The following KIF1B variants were observed in gnomAD, a reference collection of about 807,000 sequenced individuals.
KIF1B encodes the protein kinesin family member 1B.
In KIF1B, 76 loss-of-function variants were observed where a neutral mutation model predicts 241.9. The ratio of observed to expected loss-of-function variants is 0.31; its 90% CI spans 0.26 to 0.38. The LOEUF (loss-of-function observed/expected upper bound fraction) is 0.38, where lower values mean the gene tolerates loss of function less well. Ranked by LOEUF, KIF1B falls within the 10% of genes least tolerant of loss-of-function variation. KIF1B has a pLI of 1.00. For missense variants in KIF1B, 1,622 were observed against 2,271.4 expected, an observed-to-expected ratio of 0.71 and a Z score of 5.81; for synonymous variants, 750 against 796.7, an observed-to-expected ratio of 0.94 and a Z score of 0.99.
Position 10,305,839 on chromosome 1 carries a change from T to C in KIF1B, c.2115+8593T>C, listed in dbSNP as rs992475115. ...TATTTTCTACATCGTTCCTCATCTC[T>C]TGAGTTTGTCAAAAAGTTTTCTAAG... On this transcript the variant is annotated intron_variant, in intron 22 of 48. Coordinates refer to ENST00000676179, the MANE Select transcript of KIF1B (RefSeq NM_001365951.3). The C allele has an allele frequency of 3.8e-6, 4 of 1,052,530 alleles. No individual in the cohort carries two copies. The African/African-American group carries it at 6.6e-5, about 17-fold the overall frequency. The allele number at this position is 1,052,530 out of a possible 1,614,324, so 65.2% of individuals were successfully genotyped here. A position where few individuals can be genotyped will look rare whatever the true frequency, so the allele number is the denominator to read the frequency against.
At chr1:10,300,650 T>C (rs966419851) in intron 22 of KIF1B, among the ~76,000 whole-genome samples, 5 of 152,172 alleles carry the variant, frequency 3.3e-5, no homozygotes, top group Non-Finnish European at 5.9e-5. Context: ...AAAAAAGTGA[T>C]AGTTGTTGGT....
chr1:10,289,747 AGT>A (rs1398496571), intron 15 of KIF1B, among the ~76,000 whole-genome samples: 1 of 152,098 alleles, frequency 6.6e-6, no homozygotes, highest in African/African-American at 2.4e-5. Context: ...TGCCGGACAT[AGT>A]GGTGTGCACC....
At chr1:10,308,561 A>G in intron 22 of KIF1B, 3 of 1,019,712 alleles carry the variant, frequency 2.9e-6, no homozygotes, top group East Asian at 6.6e-5. Flanking sequence ...TTAAAAAATA[A>G]AGACCTCATT....
intron 2 of KIF1B, among the ~76,000 whole-genome samples, chr1:10,241,765 A>G (rs1571123277): frequency 6.6e-6 from 1 of 151,994 alleles, no homozygotes; most frequent in Non-Finnish European, 1.5e-5. Context: ...TTTTTTTTTT[A>G]ATGCCTTCTT....
Position 10,374,599 on chromosome 1 carries a change from T to A in KIF1B, c.5096+134T>A. 1 of 1,167,734 alleles carries A rather than the reference T, an allele frequency of 8.6e-7. No individual in the cohort carries two copies. Among genetic ancestry groups the A allele is most frequent in the South Asian group, 1.3e-5 (1 of 79,250 alleles). 72.3% of individuals were successfully genotyped at this position (1,167,734 alleles called of 1,614,324 possible). A position where few individuals can be genotyped will look rare whatever the true frequency, so the allele number is the denominator to read the frequency against. ...GTACTGTAGTCTGATGCAAGTTGAG[T>A]CTGGGGTGAGAGGGCCAGCCTGGGT... On this transcript the variant is annotated intron_variant, in intron 46 of 48. Transcript: ENST00000676179. The surrounding 1 kb of genome is among the most constrained non-coding windows in gnomAD (Gnocchi z 4.3).
rs1486672282 is a variant in KIF1B, at chr1:10,371,123, T to C, written c.4825-18T>C. 4 of 1,614,072 alleles carry C rather than the reference T, an allele frequency of 2.5e-6. No homozygotes were observed. Among genetic ancestry groups the C allele is most frequent in the African/African-American group, 2.7e-5 (2 of 74,918 alleles). On this transcript the variant is annotated intron_variant, in intron 44 of 48. Transcript: ENST00000676179. ...TTTTTCAGCTGAATGTAACTTGTAG[T>C]GTTCGGTTTGCTTCCAGTTGTCTGA...
At chr1:10,368,595 C>A in intron 44 of KIF1B, 57 bp downstream of exon 44, 2 of 1,430,226 alleles carry the variant, frequency 1.4e-6, no homozygotes, top group Non-Finnish European at 2.0e-6. Flanking sequence ...TTCTCCACAG[C>A]AGCCCAGATT....
At chr1:10,245,457 G>A (rs940627781) in intron 2 of KIF1B, among the ~76,000 whole-genome samples, 1 of 152,102 alleles carries the variant, frequency 6.6e-6, no homozygotes, top group Non-Finnish European at 1.5e-5. Flanking sequence ...GGAAATTATA[G>A]TGTCCTGCCC....
chr1:10,210,833 G>T lies in KIF1B; in HGVS notation c.-125G>T, dbSNP rs1646682841. 6.7e-6 allele frequency: 1 copy of T among 149,770 alleles called. No homozygotes were observed. Among genetic ancestry groups the T allele is most frequent in the Non-Finnish European group, 1.5e-5 (1 of 67,064 alleles). 9.3% of individuals were successfully genotyped at this position (149,770 alleles called of 1,614,324 possible). Reference sequence around the variant, plus strand: ...GGCCCCCCGCGCCCCCGCGCGCCGCGGCTCCTGTTGACCCGGTCCGCCCGT... The same window carrying T: ...GGCCCCCCGCGCCCCCGCGCGCCGCTGCTCCTGTTGACCCGGTCCGCCCGT... On this transcript the variant is annotated 5_prime_UTR_variant, in exon 1 of 49. Coordinates refer to ENST00000676179, the MANE Select transcript of KIF1B (RefSeq NM_001365951.3). The surrounding 1 kb of genome is among the most constrained non-coding windows in gnomAD (Gnocchi z 4.1).
intron 7 of KIF1B, 98 bp downstream of exon 7, chr1:10,268,361 G>C: frequency 1.3e-6 from 1 of 797,014 alleles, no homozygotes. Flanking sequence ...GTTGGGTGTT[G>C]GGGGGTGCTC....
rs12035952 is a variant in KIF1B, at chr1:10,244,345, G to A, written c.107-11902G>A. On this transcript the variant is annotated intron_variant, in intron 2 of 48. Transcript: ENST00000676179. ...TTTTTTTTTTTTGAGATGGAGTTTC[G>A]CTCTTGTTGCCCAGGCTGGAGTGCA... Among the ~76,000 whole-genome samples, 5 of 125,746 alleles carry A rather than the reference G, an allele frequency of 4.0e-5. No individual in the cohort carries two copies. In the East Asian group the frequency reaches 6.5e-4, roughly 16 times the overall value. 82.5% of individuals were successfully genotyped at this position (125,746 alleles called of 152,430 possible). A position where few individuals can be genotyped will look rare whatever the true frequency, so the allele number is the denominator to read the frequency against.
intron 27 of KIF1B, among the ~76,000 whole-genome samples, chr1:10,331,159 C>CA (rs1433877940): frequency 6.6e-6 from 1 of 151,748 alleles, no homozygotes; most frequent in Non-Finnish European, 1.5e-5. Context: ...GGACTCCAGG[C>CA]AGGGGACATG....
At chr1:10,295,396 T>C (rs920120910) in intron 18 of KIF1B, among the ~76,000 whole-genome samples, 6 of 152,166 alleles carry the variant, frequency 3.9e-5, no homozygotes, top group African/African-American at 1.4e-4. Context: ...TTAACAAATA[T>C]ACATTCCTTA....
intron 14 of KIF1B, among the ~76,000 whole-genome samples, chr1:10,279,577 C>A (rs1241172066): frequency 6.6e-6 from 1 of 151,394 alleles, no homozygotes; most frequent in Non-Finnish European, 1.5e-5. Context: ...GTCAGCAAAA[C>A]TATCTATGAT....
chr1:10,381,034 C>T lies in KIF1B; in HGVS notation c.*4447C>T, dbSNP rs1246464313. On this transcript the variant is annotated 3_prime_UTR_variant, in exon 49 of 49. Coordinates refer to ENST00000676179, the MANE Select transcript of KIF1B (RefSeq NM_001365951.3). ...TAAAATTCAGTAAAAAGCTCATAGC[C>T]AAACGGCTGTGCTCAGATGGAAAGT... The T allele has an allele frequency of 4.5e-6, 1 of 222,968 alleles. No homozygotes were observed. Among genetic ancestry groups the T allele is most frequent in the Non-Finnish European group, 9.0e-6 (1 of 111,722 alleles). 13.8% of individuals were successfully genotyped at this position (222,968 alleles called of 1,614,324 possible).
rs185414495 is a variant in KIF1B at position 10,286,275 on chromosome 1, G to T, written c.1434+3742G>T. Reference sequence around the variant, plus strand: ...GGCTGGTCTCAAACTTCTGACTACAGGTGATCTGCCTGCCTCGGCCTCCCA... The same window carrying T: ...GGCTGGTCTCAAACTTCTGACTACATGTGATCTGCCTGCCTCGGCCTCCCA... On this transcript the variant is annotated intron_variant, in intron 15 of 48. Transcript: ENST00000676179. Among the ~76,000 whole-genome samples the T allele has an allele frequency of 4.5e-3, 691 of 152,240 alleles. 3 individuals carry two copies. The Middle Eastern group carries it at 0.061, about 13-fold the overall frequency.
At chr1:10,346,714 CA>C (rs1329165146) in intron 35 of KIF1B, among the ~76,000 whole-genome samples, 6 of 152,138 alleles carry the variant, frequency 3.9e-5, no homozygotes, top group African/African-American at 1.4e-4. Context: ...AGTAGTAAAG[CA>C]AAAGGAGCAT....
chr1:10,258,703 C>T (rs1380523868), intron 4 of KIF1B, 31 bp downstream of exon 4: 3 of 1,604,896 alleles, frequency 1.9e-6, no homozygotes, highest in South Asian at 2.2e-5. Flanking sequence ...AAAATCTTCT[C>T]TTCATTATTA....
chr1:10,340,466 T>C (rs1279796368), intron 32 of KIF1B, among the ~76,000 whole-genome samples: 5 of 152,212 alleles, frequency 3.3e-5, no homozygotes, highest in African/African-American at 1.2e-4. Flanking sequence ...GTTCTGAGAG[T>C]TTTTGTGTAA....
Sources: allele counts gnomAD v4.1 joint callset (sites outside exome capture counted in the v4.1 genomes callset), GRCh38; gene constraint gnomAD v4.1.1; non-coding constraint Gnocchi (gnomAD v3.1); transcripts MANE v1.5; gene names NCBI Gene and HGNC (gene_info 2026-07-23, HGNC 2026-07-21).